Variants in SAA2 observed in about 807,000 individuals in gnomAD.
SAA2 encodes the protein serum amyloid A2.
SAA2 carries 5 observed loss-of-function variants against 9.1 expected under a neutral mutation model. The ratio of observed to expected loss-of-function variants is 0.55; its 90% CI spans 0.29 to 1.16. SAA2 has a LOEUF of 1.16. SAA2 is among the 50% of genes most tolerant of loss of function. SAA2 has a pLI of 0.09. For synonymous variants in SAA2, 49 were observed against 59.8 expected (o/e 0.82, Z 0.83); for missense variants, 94 against 153.8 (o/e 0.61, Z 2.06).
chr11:18,242,977 G>T (rs1857391488), downstream of SAA2, among the ~76,000 whole-genome samples: 1 of 152,112 alleles, frequency 6.6e-6, no homozygotes, highest in Non-Finnish European at 1.5e-5. Context: ...AAGGTATTTG[G>T]GTGTGCCAGA....
intron 3 of SAA2, chr11:18,240,039 A>G: frequency 6.5e-7 from 1 of 1,534,928 alleles, no homozygotes; most frequent in Non-Finnish European, 8.8e-7. Flanking sequence ...GGAAAATCAC[A>G]GGAGGGTGAT....
downstream of SAA2, chr11:18,245,151 G>T: frequency 1.0e-6 from 1 of 956,742 alleles, no homozygotes; most frequent in Non-Finnish European, 1.5e-6. Context: ...GGCCTACCTA[G>T]GCTCACCCTT....
intron 2 of SAA2, among the ~76,000 whole-genome samples, chr11:18,246,582 G>GA (rs2134146011): frequency 6.6e-6 from 1 of 152,202 alleles, no homozygotes; most frequent in South Asian, 2.1e-4. Context: ...ACCCAGGCTG[G>GA]AGCACACTGG....
At chr11:18,244,141 T>C (rs1414936009), downstream of SAA2, among the ~76,000 whole-genome samples, 1 of 152,226 alleles carries the variant, frequency 6.6e-6, no homozygotes, top group African/African-American at 2.4e-5. Flanking sequence ...GTCCATGATG[T>C]TTACCAGCAG....
At position 18,245,466 on chromosome 11, in the gene SAA2, A is replaced by G. The variant is rs1857478186; in HGVS notation, c.280T>C (p.Ser94Pro). The change falls in exon 4 of 4, where the codon TCG becomes CCG. Residue 94 changes from serine to proline, a missense_variant. Ser to Pro is a moderately conservative substitution (Grantham distance 74). Around this residue, in one of 2 missense-constraint regions of SAA2, gnomAD observed 62 missense variants for 58.3 expected, o/e 1.06. Transcript: ENST00000256733. Reference protein sequence around the residue: ...QRLTGRGAEDSLADQAANKWG... With the variant: ...QRLTGRGAEDPLADQAANKWG... ...TTATTGGCAGCCTGATCGGCCAGCG[A>G]GTCCTCCGCACCACGGCCTGTGAGT... The G allele has an allele frequency of 1.2e-6, 2 of 1,614,192 alleles. No homozygotes were observed. Among genetic ancestry groups the G allele is most frequent in the Non-Finnish European group, 1.7e-6 (2 of 1,180,034 alleles).
downstream of SAA2, chr11:18,240,429 G>T: frequency 1.6e-6 from 1 of 631,846 alleles, no homozygotes; most frequent in Middle Eastern, 2.6e-4. Flanking sequence ...AAAATAATCA[G>T]CCTACCAGGG....
chr11:18,242,482 C>G (rs952914501), downstream of SAA2: 4 of 390,036 alleles, frequency 1.0e-5, no homozygotes, highest in African/African-American at 2.1e-5. Flanking sequence ...TTAATCTCCT[C>G]TGGAAACACC....
At chr11:18,242,834 G>A, downstream of SAA2, 1 of 701,526 alleles carries the variant, frequency 1.4e-6, no homozygotes, top group Non-Finnish European at 2.6e-6. Context: ...ATGAAAGAGG[G>A]AGATGCTGTC....
intron 2 of SAA2, among the ~76,000 whole-genome samples, chr11:18,247,200 C>T (rs1208454991): frequency 3.3e-5 from 5 of 152,122 alleles, no homozygotes; most frequent in Middle Eastern, 3.2e-3. Flanking sequence ...GCTTGAGGCA[C>T]GTTAGTTCCC....
downstream of SAA2, among the ~76,000 whole-genome samples, chr11:18,241,228 A>G (rs1391507961): frequency 6.6e-6 from 1 of 152,178 alleles, no homozygotes; most frequent in Non-Finnish European, 1.5e-5. Context: ...AAATGTCAAA[A>G]AAACAACAGA....
chr11:18,243,539 C>T (rs1237007023), downstream of SAA2, among the ~76,000 whole-genome samples: 1 of 152,160 alleles, frequency 6.6e-6, no homozygotes, highest in African/African-American at 2.4e-5. Context: ...TCTTCCACGC[C>T]TCTCTCCATC....
exon 4 of SAA2, chr11:18,239,918 G>T: frequency 6.5e-7 from 1 of 1,548,538 alleles, no homozygotes; most frequent in South Asian, 1.2e-5. Context: ...TCATGTAGGA[G>T]TGAAGAAAAA....
chr11:18,241,473 TATGGG>T (rs201008248), downstream of SAA2, among the ~76,000 whole-genome samples: 1,075 of 152,254 alleles, frequency 7.1e-3, 58 homozygotes, highest in Admixed American at 0.064. Context: ...GTAGCAAAAA[TATGGG>T]ATTAACCTAA....
downstream of SAA2, among the ~76,000 whole-genome samples, chr11:18,243,541 C>T (rs1857411166): frequency 1.3e-5 from 2 of 152,312 alleles, 1 homozygote; most frequent in African/African-American, 4.8e-5. Flanking sequence ...TTCCACGCCT[C>T]TCTCCATCTT....
chr11:18,246,684 A>G (rs1857558741), intron 2 of SAA2, among the ~76,000 whole-genome samples: 1 of 152,144 alleles, frequency 6.6e-6, no homozygotes, highest in Non-Finnish European at 1.5e-5. Flanking sequence ...GGTGCCTGCC[A>G]CCACGCCTGG....
At chr11:18,239,801 A>G (rs1181306769) in exon 4 of SAA2, 6 of 965,718 alleles carry the variant, frequency 6.2e-6, no homozygotes, top group Admixed American at 6.9e-5. Context: ...CTCCATCCAC[A>G]TGCTGAGGGA....
exon 4 of SAA2, chr11:18,239,821 T>A (rs1211861914): frequency 1.6e-6 from 2 of 1,224,082 alleles, no homozygotes; most frequent in African/African-American, 3.1e-5. Flanking sequence ...AGCTCATCCA[T>A]GCCTCTTAGC....
At chr11:18,243,419 C>T (rs889991277), downstream of SAA2, among the ~76,000 whole-genome samples, 1 of 152,150 alleles carries the variant, frequency 6.6e-6, no homozygotes, top group African/African-American at 2.4e-5. Flanking sequence ...TTTACAATTG[C>T]TATTGTAATA....
downstream of SAA2, among the ~76,000 whole-genome samples, chr11:18,243,530 C>A (rs1857410143): frequency 1.3e-5 from 2 of 152,150 alleles, no homozygotes; most frequent in African/African-American, 2.4e-5. Flanking sequence ...ATGAGCCAAT[C>A]TTCCACGCCT....
Sources: allele counts gnomAD v4.1 joint callset (sites outside exome capture counted in the v4.1 genomes callset), GRCh38; gene constraint gnomAD v4.1.1; regional missense constraint gnomAD v4.1.1; transcripts MANE v1.5; gene names NCBI Gene and HGNC (gene_info 2026-07-23, HGNC 2026-07-21).